SLC12A1: variants seen among roughly 807,000 people sequenced by gnomAD.
SLC12A1 encodes solute carrier family 12 member 1.
In SLC12A1, 89 loss-of-function variants were observed where a neutral mutation model predicts 130.4. The observed-to-expected ratio is 0.68, with a 90% confidence interval of 0.58 to 0.81. The LOEUF (loss-of-function observed/expected upper bound fraction) is 0.81. Among genes scored for constraint, SLC12A1 ranks in the 40% least tolerant of loss-of-function variants. The probability of loss-of-function intolerance (pLI) is 0.00; values close to 1 mark genes in which losing one functional copy is unlikely to be tolerated. For missense variants in SLC12A1, 1,310 were observed against 1,336.4 expected (o/e 0.98, Z 0.31); for synonymous variants, 499 against 460.0 (o/e 1.08, Z -1.09).
chr15:48,279,567 C>T (rs749038597), intron 20 of SLC12A1, among the ~76,000 whole-genome samples: 11 of 152,088 alleles, frequency 7.2e-5, no homozygotes, highest in Non-Finnish European at 1.5e-4. Context: ...GCAACTCATC[C>T]AATACTGATG....
chr15:48,245,447 G>C (rs1338500088), intron 11 of SLC12A1, among the ~76,000 whole-genome samples: 2 of 152,034 alleles, frequency 1.3e-5, no homozygotes, highest in Admixed American at 1.3e-4. Context: ...GTCGCCCCCA[G>C]TGTCCCTTGT....
chr15:48,247,554 T>C (rs1367910710), intron 13 of SLC12A1, 94 bp downstream of exon 13: 7 of 998,850 alleles, frequency 7.0e-6, no homozygotes, highest in Non-Finnish European at 8.7e-6. Flanking sequence ...ACTCGTTTTA[T>C]GTTTAGGATC....
intron 4 of SLC12A1, chr15:48,222,974 T>C (rs746276022): frequency 6.6e-5 from 10 of 152,248 alleles, no homozygotes; most frequent in Non-Finnish European, 2.9e-5. Flanking sequence ...GCTGTCTAGT[T>C]GTTCTTCTCT....
chr15:48,220,531 T>A (rs2041198506), intron 2 of SLC12A1, 103 bp from the exon 3 acceptor site: 3 of 1,139,902 alleles, frequency 2.6e-6, no homozygotes, highest in Admixed American at 2.9e-5. Context: ...GGTTTTTTGG[T>A]ATTTTAAGTT....
chr15:48,227,073 T>C (rs2041298831), intron 5 of SLC12A1: 1 of 1,548,708 alleles, frequency 6.5e-7, no homozygotes, highest in African/African-American at 1.4e-5. Context: ...TTGGGGGATT[T>C]TGCAGGTCTT....
Position 48,220,917 on chromosome 15 carries a change from A to G in SLC12A1, c.553-4A>G, listed in dbSNP as rs137895722. On this transcript the variant is annotated splice_polypyrimidine_tract_variant and splice_region_variant and intron_variant, in intron 3 of 26. Coordinates refer to ENST00000380993, the MANE Select transcript of SLC12A1 (RefSeq NM_000338.3). ...TCTCCTTTCAATACCGCTTCTATCC[A>G]CAGGTAAGATGCATGCTGAACATCT... The G allele has an allele frequency of 6.2e-7, 1 of 1,613,806 alleles. No homozygotes were observed. The highest frequency in any genetic ancestry group is 2.2e-5 in the East Asian group (1 of 44,888).
At chr15:48,279,933 G>T (rs2041993625) in intron 20 of SLC12A1, among the ~76,000 whole-genome samples, 1 of 152,032 alleles carries the variant, frequency 6.6e-6, no homozygotes. Context: ...CTTCACCTGG[G>T]GTACAGCACA....
chr15:48,245,014 C>A (rs923219631), intron 11 of SLC12A1, 110 bp downstream of exon 11: 2 of 997,844 alleles, frequency 2.0e-6, no homozygotes, highest in South Asian at 1.5e-5. Flanking sequence ...TGATAAGAAT[C>A]CAGCATGGAA....
chr15:48,290,560 T>A (rs1300296789), intron 23 of SLC12A1, among the ~76,000 whole-genome samples: 3 of 152,234 alleles, frequency 2.0e-5, no homozygotes, highest in Non-Finnish European at 4.4e-5. Flanking sequence ...GTGTGAATAA[T>A]GTATTGTGCT....
chr15:48,267,376 G>A (rs998484126), intron 17 of SLC12A1, among the ~76,000 whole-genome samples, 185 bp from the exon 18 acceptor site: 4 of 152,094 alleles, frequency 2.6e-5, no homozygotes, highest in Non-Finnish European at 5.9e-5. Context: ...AAAATGAATG[G>A]TGTGAATACC....
chr15:48,270,004 T>C lies in SLC12A1; in HGVS notation c.2402+240T>C, dbSNP rs530746230. ...CGCCCGTGTCAGAGAAAAAAGTAAA[T>C]GTTTAGAGTTACAACCTTAAAATCT... On this transcript the variant is annotated intron_variant, in intron 19 of 26. Transcript: ENST00000380993. Among the ~76,000 whole-genome samples, 9 of 152,244 alleles carry C rather than the reference T, an allele frequency of 5.9e-5. No individual in the cohort carries two copies. In the South Asian group the frequency reaches 1.7e-3, roughly 28 times the overall value.
intron 19 of SLC12A1, among the ~76,000 whole-genome samples, chr15:48,273,437 T>C (rs1186380171): frequency 6.6e-6 from 1 of 152,182 alleles, no homozygotes; most frequent in Non-Finnish European, 1.5e-5. Flanking sequence ...CTTAACCTAA[T>C]CACATCTGCC....
intron 20 of SLC12A1, among the ~76,000 whole-genome samples, chr15:48,282,704 T>A (rs1313833269): frequency 6.6e-6 from 1 of 152,188 alleles, no homozygotes; most frequent in East Asian, 1.9e-4. Context: ...ACCGTATCTT[T>A]AGGGTCCTCC....
intron 4 of SLC12A1, chr15:48,221,470 C>T: frequency 1.5e-6 from 1 of 679,292 alleles, no homozygotes; most frequent in Non-Finnish European, 2.7e-6. Context: ...AATTGTGTTA[C>T]TTTCGGGTAC....
In SLC12A1 at chr15:48,219,562, GGAAA is replaced by G. The variant is rs536227941; in HGVS notation, c.421-1061_421-1058del. Among the ~76,000 whole-genome samples the G allele has an allele frequency of 3.0e-3, 424 of 139,790 alleles. 6 individuals carry two copies. The highest frequency in any genetic ancestry group is 0.011 in the African/African-American group (405 of 37,632). The allele number at this position is 139,790 out of a possible 152,430, so 91.7% of individuals were successfully genotyped here. A position where few individuals can be genotyped will look rare whatever the true frequency, so the allele number is the denominator to read the frequency against. The stretch of plus-strand genomic sequence containing the variant: ...CAGAGCAAGACTCTGTCAAAGAGAA[GGAAA>G]GAAAGAAAGATGAAAAAAGAAAGAT... On this transcript the variant is annotated intron_variant, in intron 2 of 26. Coordinates refer to ENST00000380993, the MANE Select transcript of SLC12A1 (RefSeq NM_000338.3).
intron 21 of SLC12A1, 115 bp from the exon 22 acceptor site, chr15:48,287,928 A>T: frequency 8.8e-7 from 1 of 1,142,514 alleles, no homozygotes; most frequent in South Asian, 2.0e-5. Context: ...TATTTTAGGT[A>T]TAATAAACAT....
chr15:48,257,365 T>C (rs1242349630), intron 16 of SLC12A1, among the ~76,000 whole-genome samples: 1 of 152,198 alleles, frequency 6.6e-6, no homozygotes. Context: ...CTTACAGATC[T>C]ACTAGGCAGT....
chr15:48,299,047 T>C (rs2042205499), intron 24 of SLC12A1, 93 bp from the exon 25 acceptor site: 9 of 1,099,180 alleles, frequency 8.2e-6, no homozygotes, highest in Non-Finnish European at 1.2e-5. Context: ...CAGCTCTGAT[T>C]CCACAGCCAG....
At position 48,251,598 on chromosome 15, in the gene SLC12A1, G is replaced by A; in HGVS notation, c.1787-17G>A. On this transcript the variant is annotated splice_polypyrimidine_tract_variant and intron_variant, in intron 14 of 26. Coordinates refer to ENST00000380993, the MANE Select transcript of SLC12A1 (RefSeq NM_000338.3). ...ATAGTAGAGTGGAAGTTTTCCTTCT[G>A]CATATTTTGTTTTCAGGATGGAGAC... The A allele has an allele frequency of 1.2e-6, 2 of 1,605,946 alleles. No individual in the cohort carries two copies. Among genetic ancestry groups the A allele is most frequent in the Non-Finnish European group, 1.7e-6 (2 of 1,172,604 alleles).
Sources: gnomAD v4.1 joint callset for allele counts (sites outside exome capture counted in the v4.1 genomes callset) on GRCh38, gnomAD v4.1.1 for gene constraint, MANE v1.5 for transcripts, NCBI Gene and HGNC (gene_info 2026-07-23, HGNC 2026-07-21) for gene names.